The following FGF8 variants were observed in gnomAD, a reference collection of about 807,000 sequenced individuals.
The protein encoded by FGF8 is fibroblast growth factor 8.
Under a neutral mutation model 29.7 loss-of-function variants are expected in FGF8, and 12 were observed. The observed-to-expected ratio is 0.40, with a 90% CI of 0.26 to 0.65. The LOEUF is 0.65. Among genes scored for constraint, FGF8 ranks in the 30% least tolerant of loss-of-function variants. The pLI is 0.37. For missense variants in FGF8, 271 were observed against 345.1 expected (o/e 0.79, Z 1.70); for synonymous variants, 157 against 144.4 (o/e 1.09, Z -0.63).
intron 5 of FGF8, 72 bp from the exon 6 acceptor site, chr10:101,770,691 C>T: frequency 6.4e-7 from 1 of 1,553,640 alleles, no homozygotes; most frequent in South Asian, 1.1e-5. Flanking sequence ...CGGCCCCAGA[C>T]AGCAGGTGGG....
Position 101,770,165 on chromosome 10 carries a change from CAG to C in FGF8, c.*162_*163del. ...TTAAAAAAAAAAAAAAAAAAAAAAA[CAG>C]CAAAAACCCAACAGCAAACAATATC... On this transcript the variant is annotated 3_prime_UTR_variant, in exon 6 of 6. Coordinates refer to ENST00000320185, the MANE Select transcript of FGF8 (RefSeq NM_033163.5). 1 of 382,318 alleles carries C rather than the reference CAG, an allele frequency of 2.6e-6. No individual in the cohort carries two copies. The highest frequency in any genetic ancestry group is 4.5e-6 in the Non-Finnish European group (1 of 223,896). The allele number at this position is 382,318 out of a possible 1,614,324, so 23.7% of individuals were successfully genotyped here. A position where few individuals can be genotyped will look rare whatever the true frequency, so the allele number is the denominator to read the frequency against.
chr10:101,771,988 C>T lies in FGF8; in HGVS notation c.338-419G>A, dbSNP rs975063025. 3.9e-5 allele frequency among the ~76,000 whole-genome samples: 6 copies of T among 152,230 alleles called. No homozygotes were observed. Among genetic ancestry groups the T allele is most frequent in the African/African-American group, 1.2e-4 (5 of 41,446 alleles). On this transcript the variant is annotated intron_variant, in intron 4 of 5. Transcript: ENST00000320185. This position sits in a 1 kb window ranked among gnomAD's most constrained non-coding sequence, Gnocchi z 5.3. Reference sequence around the variant, plus strand: ...CTTCCAACTCCAAATATTATGTGTGCGTGTCTCACAGGTCATTACAAACAC... The same window carrying T: ...CTTCCAACTCCAAATATTATGTGTGTGTGTCTCACAGGTCATTACAAACAC...
At chr10:101,776,569 C>T (rs1274011683), upstream of FGF8, among the ~76,000 whole-genome samples, 1 of 152,016 alleles carries the variant, frequency 6.6e-6, no homozygotes. Context: ...CCTCCGGGCC[C>T]AGCCGCTTCC....
chr10:101,779,492 T>A (rs117930388), upstream of FGF8, among the ~76,000 whole-genome samples: 830 of 152,034 alleles, frequency 5.5e-3, 13 homozygotes, highest in South Asian at 0.012. This position sits in a 1 kb window ranked among gnomAD's most constrained non-coding sequence, Gnocchi z 5.7. Flanking sequence ...GGAATAAACC[T>A]TGCCCAGCTG....
intron 5 of FGF8, 147 bp from the exon 6 acceptor site, chr10:101,770,766 C>T: frequency 1.2e-6 from 1 of 837,466 alleles, no homozygotes; most frequent in Non-Finnish European, 1.9e-6. Context: ...CACCCGCTCT[C>T]TAATCCCTCA....
intron 4 of FGF8, 46 bp downstream of exon 4, chr10:101,774,686 G>A: frequency 6.5e-7 from 1 of 1,545,392 alleles, no homozygotes; most frequent in African/African-American, 1.4e-5. Flanking sequence ...TGGGACTGGT[G>A]GTCCAGGCGC....
chr10:101,774,060 C>T (rs2065057060), intron 4 of FGF8, among the ~76,000 whole-genome samples: 1 of 152,242 alleles, frequency 6.6e-6, no homozygotes, highest in African/African-American at 2.4e-5. Context: ...GCCCAGAGGG[C>T]TTGCTTTTCT....
intron 4 of FGF8, among the ~76,000 whole-genome samples, chr10:101,773,424 G>T (rs1027883557): frequency 6.6e-6 from 1 of 152,142 alleles, no homozygotes; most frequent in African/African-American, 2.4e-5. Context: ...CCCAGTAGGG[G>T]AGCTCGGCCA....
At chr10:101,780,356 T>G (rs2065132338), upstream of FGF8, 1 of 152,202 alleles carries the variant, frequency 6.6e-6, no homozygotes, top group Non-Finnish European at 1.5e-5. Flanking sequence ...GGGTCGGTAC[T>G]GCGGACGCAA....
rs2065029825 is a variant in FGF8 at position 101,771,737 on chromosome 10, C to G, written c.338-168G>C. Reference sequence around the variant, plus strand: ...TGTGCAACCCAGAGAAAGGGCTTTTCTGGACCTCGGGCCCCACCCCTGGGT... The same window carrying G: ...TGTGCAACCCAGAGAAAGGGCTTTTGTGGACCTCGGGCCCCACCCCTGGGT... On this transcript the variant is annotated intron_variant, in intron 4 of 5. Transcript: ENST00000320185. The surrounding 1 kb of genome is among the most constrained non-coding windows in gnomAD (Gnocchi z 5.3). Among the ~76,000 whole-genome samples, 1 of 152,226 alleles carries G rather than the reference C, an allele frequency of 6.6e-6. No individual in the cohort carries two copies. The highest frequency in any genetic ancestry group is 1.5e-5 in the Non-Finnish European group (1 of 68,038).
chr10:101,771,957 A>T lies in FGF8; in HGVS notation c.338-388T>A, dbSNP rs2134993476. Among the ~76,000 whole-genome samples, 1 of 152,376 alleles carries T rather than the reference A, an allele frequency of 6.6e-6. No homozygotes were observed. The highest frequency in any genetic ancestry group is 1.9e-4 in the East Asian group (1 of 5,196). ...TCCATAGCTAATCAAAAGATCTCCG[A>T]GGATCCTTCCAACTCCAAATATTAT... On this transcript the variant is annotated intron_variant, in intron 4 of 5. Coordinates refer to ENST00000320185, the MANE Select transcript of FGF8 (RefSeq NM_033163.5). The surrounding 1 kb of genome is among the most constrained non-coding windows in gnomAD (Gnocchi z 5.3).
chr10:101,778,331 G>T (rs1196300903), upstream of FGF8, among the ~76,000 whole-genome samples: 2 of 152,202 alleles, frequency 1.3e-5, no homozygotes, highest in South Asian at 4.1e-4. Flanking sequence ...AACAGTGTTT[G>T]CATGGTCCTG....
At chr10:101,779,117 C>T (rs1470521476), upstream of FGF8, among the ~76,000 whole-genome samples, 1 of 152,182 alleles carries the variant, frequency 6.6e-6, no homozygotes, top group Non-Finnish European at 1.5e-5. This position sits in a 1 kb window ranked among gnomAD's most constrained non-coding sequence, Gnocchi z 5.7. Context: ...AGACACACTA[C>T]TTCAGCCTAT....
chr10:101,771,450 G>T lies in FGF8; in HGVS notation c.444+13C>A, dbSNP rs1195631294. On this transcript the variant is annotated intron_variant, in intron 5 of 5. Transcript: ENST00000320185. This position sits in a 1 kb window ranked among gnomAD's most constrained non-coding sequence, Gnocchi z 5.3. ...TAGGTCCCGCGGACCCCACCTGCCTGCTGGGGCCTCACCTTGGCGATCAGC... is the reference window on the plus strand; with the variant it reads ...TAGGTCCCGCGGACCCCACCTGCCTTCTGGGGCCTCACCTTGGCGATCAGC... 6.2e-7 allele frequency: 1 copy of T among 1,608,432 alleles called. No individual in the cohort carries two copies. Among genetic ancestry groups the T allele is most frequent in the African/African-American group, 1.3e-5 (1 of 74,804 alleles).
rs891177630 is a variant in FGF8 at position 101,775,431 on chromosome 10, G to A, written c.70-215C>T. 1 of 604,104 alleles carries A rather than the reference G, an allele frequency of 1.7e-6. No individual in the cohort carries two copies. The allele number at this position is 604,104 out of a possible 1,614,324, so 37.4% of individuals were successfully genotyped here. On this transcript the variant is annotated intron_variant, in intron 2 of 5. Coordinates refer to ENST00000320185, the MANE Select transcript of FGF8 (RefSeq NM_033163.5). The surrounding 1 kb of genome is among the most constrained non-coding windows in gnomAD (Gnocchi z 4.6). ...GGCATCGAACATCCATCCCCTGGCC[G>A]CGGCTGCCCCCTTCCTCGGCGGCTG...
Position 101,774,712 on chromosome 10 carries a change from C to A in FGF8, c.337+20G>T. The A allele has an allele frequency of 6.3e-7, 1 of 1,599,048 alleles. No individual in the cohort carries two copies. On this transcript the variant is annotated intron_variant, in intron 4 of 5. Transcript: ENST00000320185. ...GTCCAGGCGCCGCGCATCCCACAAGCTACCTTCAGCGCGCCTTACCGAAGG... is the reference window on the plus strand; with the variant it reads ...GTCCAGGCGCCGCGCATCCCACAAGATACCTTCAGCGCGCCTTACCGAAGG...
rs752266134 is a variant in FGF8, at chr10:101,774,919, G to A, written c.157-7C>T. On this transcript the variant is annotated splice_polypyrimidine_tract_variant and splice_region_variant and intron_variant, in intron 3 of 5. Transcript: ENST00000320185. Reference sequence around the variant, plus strand: ...GTGAGGACTGAACAGTTACCTTTAGGAAATTGAAAAATACACAATACACCA... The same window carrying A: ...GTGAGGACTGAACAGTTACCTTTAGAAAATTGAAAAATACACAATACACCA... The A allele has an allele frequency of 1.9e-6, 3 of 1,613,640 alleles. No homozygotes were observed. The highest frequency in any genetic ancestry group is 4.5e-5 in the East Asian group (2 of 44,894).
Position 101,775,336 on chromosome 10 carries a change from G to A in FGF8, c.70-120C>T, listed in dbSNP as rs1038864630. The stretch of plus-strand genomic sequence containing the variant: ...GGGAACCTGGGCACCCGATCATTGG[G>A]CCAAATCGGCCACAAGCCTCCCCCG... On this transcript the variant is annotated intron_variant, in intron 2 of 5. Coordinates refer to ENST00000320185, the MANE Select transcript of FGF8 (RefSeq NM_033163.5). The surrounding 1 kb of genome is among the most constrained non-coding windows in gnomAD (Gnocchi z 4.6). 2.3e-5 allele frequency: 17 copies of A among 727,884 alleles called. No homozygotes were observed. Among genetic ancestry groups the A allele is most frequent in the Non-Finnish European group, 4.0e-5 (17 of 421,974 alleles). 45.1% of individuals were successfully genotyped at this position (727,884 alleles called of 1,614,324 possible).
chr10:101,775,246 A>C lies in FGF8; in HGVS notation c.70-30T>G. The stretch of plus-strand genomic sequence containing the variant: ...AGGAGCAGGGCGCTTTTAAGTAGGG[A>C]GGCAGCCCTCCCCGACCCCTGACAT... On this transcript the variant is annotated intron_variant, in intron 2 of 5. Transcript: ENST00000320185. This position sits in a 1 kb window ranked among gnomAD's most constrained non-coding sequence, Gnocchi z 4.6. The C allele has an allele frequency of 6.9e-7, 1 of 1,450,170 alleles. No individual in the cohort carries two copies. The highest frequency in any genetic ancestry group is 2.5e-5 in the East Asian group (1 of 40,452). The allele number at this position is 1,450,170 out of a possible 1,614,324, so 89.8% of individuals were successfully genotyped here.
Sources: allele counts gnomAD v4.1 joint callset (sites outside exome capture counted in the v4.1 genomes callset), GRCh38; gene constraint gnomAD v4.1.1; non-coding constraint Gnocchi (gnomAD v3.1); transcripts MANE v1.5; gene names NCBI Gene and HGNC (gene_info 2026-07-23, HGNC 2026-07-21).